The following PREX1 variants were observed in gnomAD, a reference collection of about 807,000 sequenced individuals.
PREX1 encodes phosphatidylinositol 3,4,5-trisphosphate-dependent Rac exchanger 1 protein.
In PREX1, 41 loss-of-function variants were observed where a neutral mutation model predicts 198.3. That is an observed-to-expected ratio of 0.21 (90% CI 0.16 to 0.27). The LOEUF is 0.27. PREX1 is among the 10% of genes least tolerant of loss of function. PREX1 has a pLI of 1.00. For missense variants in PREX1, 1,620 were observed against 2,200.7 expected (o/e 0.74, Z 5.28); for synonymous variants, 843 against 887.2 (o/e 0.95, Z 0.89).
intron 1 of PREX1, among the ~76,000 whole-genome samples, chr20:48,811,838 C>A (rs1393362937): frequency 6.6e-6 from 1 of 152,236 alleles, no homozygotes; most frequent in Non-Finnish European, 1.5e-5. Flanking sequence ...CATTTGGATA[C>A]AACTTAAACC....
intron 14 of PREX1, among the ~76,000 whole-genome samples, chr20:48,674,320 A>G (rs562935432): frequency 6.6e-6 from 1 of 152,196 alleles, no homozygotes; most frequent in Non-Finnish European, 1.5e-5. Flanking sequence ...TTCACTTTAA[A>G]AATTGGCTGT....
At position 48,639,828 on chromosome 20, in the gene PREX1, T is replaced by A. The variant is rs1396981800; in HGVS notation, c.3842A>T (p.Asp1281Val). 6.2e-7 allele frequency: 1 copy of A among 1,613,752 alleles called. No individual in the cohort carries two copies. The highest frequency in any genetic ancestry group is 8.5e-7 in the Non-Finnish European group (1 of 1,179,832). The change falls in exon 30 of 40, where the codon GAC (aspartate) becomes GTC (valine). Residue 1281 changes from aspartate (D) to valine (V), a missense_variant. By Grantham distance (152) the Asp-to-Val change is radical (BLOSUM62 -3). Coordinates refer to ENST00000371941, the MANE Select transcript of PREX1 (RefSeq NM_020820.4). ...RSLIQISIQE[D>V]PWNLPNSIKT... is the part of the protein sequence containing the mutation. ...GATGGAGTTGGGGAGGTTCCAGGGG[T>A]CCTCCTGGATGCTAATCTGGATCAG...
chr20:48,823,165 G>A (rs1037182015), intron 1 of PREX1, among the ~76,000 whole-genome samples: 1 of 152,036 alleles, frequency 6.6e-6, no homozygotes, highest in Non-Finnish European at 1.5e-5. Flanking sequence ...GTCGGTTCCG[G>A]GCAGACCCTC....
At chr20:48,661,468 T>TATATATATATACAC (rs1373152651) in intron 15 of PREX1, among the ~76,000 whole-genome samples, 9 of 76,802 alleles carry the variant, frequency 1.2e-4, no homozygotes, top group African/African-American at 7.0e-4. Flanking sequence ...TATATATATA[T>TATATATATATACAC]ACACACACAT....
intron 1 of PREX1, among the ~76,000 whole-genome samples, chr20:48,814,498 T>C (rs6090912): frequency 0.014 from 2,059 of 152,102 alleles, 58 homozygotes; most frequent in African/African-American, 0.047. Context: ...GAGCTCCAGG[T>C]AATAGGAAGA....
intron 37 of PREX1, 64 bp downstream of exon 37, chr20:48,629,385 C>T: frequency 1.3e-6 from 2 of 1,577,746 alleles, no homozygotes; most frequent in Non-Finnish European, 1.7e-6. Context: ...GCCACAGGAC[C>T]CCAAACTGAC....
chr20:48,653,672 C>G (rs560467040), intron 19 of PREX1, among the ~76,000 whole-genome samples, 175 bp from the exon 20 acceptor site: 4 of 152,322 alleles, frequency 2.6e-5, no homozygotes, highest in African/African-American at 9.6e-5. Context: ...GATTGATGTT[C>G]CCATTTTGCA....
At chr20:48,772,152 C>A (rs1000034260) in intron 1 of PREX1, among the ~76,000 whole-genome samples, 5 of 152,166 alleles carry the variant, frequency 3.3e-5, no homozygotes, top group African/African-American at 4.8e-5. Flanking sequence ...TGAGATCGAG[C>A]CACTGCACTC....
intron 26 of PREX1, among the ~76,000 whole-genome samples, chr20:48,645,045 G>GA (rs1392336106): frequency 1.3e-5 from 2 of 152,244 alleles, no homozygotes; most frequent in Non-Finnish European, 2.9e-5. Context: ...GGCAAAATCT[G>GA]AGACTATGGA....
the PREX1 span, among the ~76,000 whole-genome samples, chr20:48,858,971 C>T: frequency 6.6e-6 from 1 of 152,102 alleles, no homozygotes; most frequent in Admixed American, 6.6e-5. Flanking sequence ...TCATAGCTCA[C>T]TGCAACCTCC....
chr20:48,700,879 T>C lies in PREX1; in HGVS notation c.791A>G (p.Asn264Ser), dbSNP rs1332718176. ...GAGCTGAGTGCAGATGTCTGTGAGG[T>C]TGGAACCCTGGAAGCGCAATGAGGA... ...QSHIEGWEGS[N>S]LTDICTQLLL... Residue 264 changes from asparagine to serine, a missense_variant, in exon 7 of 40, where the codon AAC (asparagine) becomes AGC (serine). Transcript: ENST00000371941. 1.9e-6 allele frequency: 3 copies of C among 1,613,946 alleles called. No homozygotes were observed. The highest frequency in any genetic ancestry group is 3.3e-5 in the Admixed American group (2 of 60,002).
At chr20:48,854,661 G>A in the PREX1 span, among the ~76,000 whole-genome samples, 1 of 152,174 alleles carries the variant, frequency 6.6e-6, no homozygotes, top group Non-Finnish European at 1.5e-5. Flanking sequence ...AATCTCCATT[G>A]ATACTGGTAT....
intron 19 of PREX1, among the ~76,000 whole-genome samples, 193 bp from the exon 20 acceptor site, chr20:48,653,690 C>A (rs61392409): frequency 4.6e-5 from 7 of 152,210 alleles, no homozygotes; most frequent in Non-Finnish European, 1.0e-4. Flanking sequence ...GCAGAAGAAA[C>A]TAAGGTTCAG....
intron 7 of PREX1, among the ~76,000 whole-genome samples, chr20:48,694,164 G>C (rs1041855383): frequency 6.6e-6 from 1 of 151,634 alleles, no homozygotes; most frequent in South Asian, 2.1e-4. Flanking sequence ...CACCCCCCTC[G>C]GCCTCCCAAA....
the PREX1 span, among the ~76,000 whole-genome samples, chr20:48,859,740 G>A: frequency 0.027 from 4,106 of 152,206 alleles, 209 homozygotes; most frequent in African/African-American, 0.094. Flanking sequence ...GGTCTTGACC[G>A]GGCATGGTAG....
At chr20:48,704,841 C>A (rs2089895094) in intron 6 of PREX1, among the ~76,000 whole-genome samples, 1 of 152,164 alleles carries the variant, frequency 6.6e-6, no homozygotes, top group Admixed American at 6.5e-5. Context: ...CAGGTGTGAG[C>A]CACCGCGCCA....
intron 14 of PREX1, among the ~76,000 whole-genome samples, chr20:48,669,364 G>A (rs1251367662): frequency 6.6e-6 from 1 of 152,122 alleles, no homozygotes; most frequent in Non-Finnish European, 1.5e-5. Context: ...CACACACTCA[G>A]TACCCTGCAA....
the PREX1 span, among the ~76,000 whole-genome samples, chr20:48,860,618 A>G: frequency 6.6e-6 from 1 of 152,284 alleles, no homozygotes; most frequent in African/African-American, 2.4e-5. Flanking sequence ...AGGCGGGTGG[A>G]TCATGAGGTC....
At chr20:48,828,157 C>T (rs904862854), upstream of PREX1, among the ~76,000 whole-genome samples, 1 of 150,430 alleles carries the variant, frequency 6.6e-6, no homozygotes, top group Non-Finnish European at 1.5e-5. Flanking sequence ...CAGAGGCGCT[C>T]TGCGCGTGCA....
Sources: gnomAD v4.1 joint callset for allele counts (sites outside exome capture counted in the v4.1 genomes callset) on GRCh38, gnomAD v4.1.1 for gene constraint, MANE v1.5 for transcripts, NCBI Gene and HGNC (gene_info 2026-07-23, HGNC 2026-07-21) for gene names.